Variants in CDH13 observed in about 807,000 individuals in gnomAD.
CDH13 encodes the protein cadherin 13, also known as cadherin-13.
CDH13 carries 24 observed loss-of-function variants against 63.8 expected under a neutral mutation model. That is an observed-to-expected ratio of 0.38 (90% CI 0.27 to 0.53). The LOEUF is 0.53. Among genes scored for constraint, CDH13 ranks in the 20% least tolerant of loss-of-function variants. The pLI is 0.85. For synonymous variants in CDH13, 503 were observed against 355.3 expected (o/e 1.42, Z -4.67); for missense variants, 1,049 against 903.1 (o/e 1.16, Z -2.07).
chr16:83,647,407 T>C (rs1911933715), intron 8 of CDH13, among the ~76,000 whole-genome samples: 1 of 152,142 alleles, frequency 6.6e-6, no homozygotes, highest in Non-Finnish European at 1.5e-5. Flanking sequence ...GAGGCTTACC[T>C]TTCTGTTTTG....
intron 6 of CDH13, among the ~76,000 whole-genome samples, chr16:83,391,831 T>A (rs62042631): frequency 2.6e-5 from 4 of 152,284 alleles, no homozygotes; most frequent in African/African-American, 9.6e-5. Context: ...GGGTCTGCAT[T>A]GTGGTGATGT....
intron 7 of CDH13, among the ~76,000 whole-genome samples, chr16:83,541,692 A>G (rs1299364057): frequency 6.6e-6 from 1 of 152,204 alleles, no homozygotes. Context: ...CAAGACATTG[A>G]GCAAAGTGGA....
At chr16:83,121,456 C>T (rs1362139743) in intron 3 of CDH13, among the ~76,000 whole-genome samples, 3 of 152,200 alleles carry the variant, frequency 2.0e-5, no homozygotes. Context: ...TGAGGGGGCT[C>T]ATGCCAAGTG....
At position 83,472,660 on chromosome 16, in the gene CDH13, T is replaced by G. The variant is rs189124677; in HGVS notation, c.782-13817T>G. Among the ~76,000 whole-genome samples the G allele has an allele frequency of 3.3e-4, 50 of 152,274 alleles. 1 individual carries two copies. Among genetic ancestry groups the G allele is most frequent in the African/African-American group, 1.2e-3 (49 of 41,550 alleles). ...CCAGGTTGTTTCTAAGAGAAGAACA[T>G]TGCAATCTGGAAAAGCAGTATTATT... is the stretch of plus-strand genomic sequence containing the variant. On this transcript the variant is annotated intron_variant, in intron 6 of 13. Transcript: ENST00000567109.
intron 1 of CDH13, among the ~76,000 whole-genome samples, chr16:82,670,744 T>C (rs1397873737): frequency 6.6e-6 from 1 of 152,244 alleles, no homozygotes; most frequent in African/African-American, 2.4e-5. Flanking sequence ...TCGTCTCTTC[T>C]AGTAGTCATT....
At chr16:83,506,503 C>T (rs911244384) in intron 7 of CDH13, among the ~76,000 whole-genome samples, 14 of 152,196 alleles carry the variant, frequency 9.2e-5, no homozygotes, top group African/African-American at 2.9e-4. Flanking sequence ...AACTCACCCT[C>T]GTTCCAATGG....
At position 83,445,241 on chromosome 16, in the gene CDH13, T is replaced by TTTTATAATTTATAAAAGGTTTTATAAA. The variant is rs1567677345; in HGVS notation, c.782-41234_782-41233insTATAATTTATAAAAGGTTTTATAAATT. On this transcript the variant is annotated intron_variant, in intron 6 of 13. Transcript: ENST00000567109. ...AAACTGAGGCTGCGAGAGTTTATAATTTATAAAAGCTTTTATAATTTATAA... is the reference window on the plus strand; with the variant it reads ...AAACTGAGGCTGCGAGAGTTTATAATTTTATAATTTATAAAAGGTTTTATAAATTATAAAAGCTTTTATAATTTATAA... Among the ~76,000 whole-genome samples the TTTTATAATTTATAAAAGGTTTTATAAA allele has an allele frequency of 4.1e-3, 234 of 56,530 alleles. 19 individuals are homozygous for TTTTATAATTTATAAAAGGTTTTATAAA. Among genetic ancestry groups the TTTTATAATTTATAAAAGGTTTTATAAA allele is most frequent in the African/African-American group, 6.1e-3 (110 of 17,902 alleles). The allele number at this position is 56,530 out of a possible 152,430, so 37.1% of individuals were successfully genotyped here.
chr16:83,080,750 T>C (rs893825744), intron 3 of CDH13, among the ~76,000 whole-genome samples: 1 of 151,986 alleles, frequency 6.6e-6, no homozygotes, highest in Non-Finnish European at 1.5e-5. Context: ...GACTTTGTTC[T>C]AACCCACAAG....
At chr16:82,806,447 C>G (rs1223130165) in intron 1 of CDH13, among the ~76,000 whole-genome samples, 1 of 152,072 alleles carries the variant, frequency 6.6e-6, no homozygotes, top group East Asian at 1.9e-4. Flanking sequence ...CAAAACAAAA[C>G]TTGGAATTTT....
chr16:82,762,594 G>T lies in CDH13; in HGVS notation c.46-95768G>T, dbSNP rs144205872. Among the ~76,000 whole-genome samples, 731 of 152,248 alleles carry T rather than the reference G, an allele frequency of 4.8e-3. 12 individuals are homozygous for T. Among genetic ancestry groups the T allele is most frequent in the Non-Finnish European group, 3.7e-3 (254 of 68,020 alleles). ...TTGATCTGCACTTCTCCCCATCTTG[G>T]TGTTCTTGGTGATGGTCATGTTCCT... On this transcript the variant is annotated intron_variant, in intron 1 of 13. Transcript: ENST00000567109.
intron 7 of CDH13, among the ~76,000 whole-genome samples, chr16:83,558,005 T>G (rs1314566875): frequency 6.6e-6 from 1 of 152,082 alleles, no homozygotes; most frequent in Admixed American, 6.6e-5. Context: ...TGGGGGGCAT[T>G]GAGCACTGGG....
intron 10 of CDH13, among the ~76,000 whole-genome samples, chr16:83,739,007 A>C (rs1414634554): frequency 6.6e-6 from 1 of 152,186 alleles, no homozygotes; most frequent in African/African-American, 2.4e-5. Flanking sequence ...ATCATGGACT[A>C]TGCAAAAAAG....
At chr16:83,607,324 G>A (rs565779356) in intron 8 of CDH13, among the ~76,000 whole-genome samples, 1 of 152,158 alleles carries the variant, frequency 6.6e-6, no homozygotes, top group Non-Finnish European at 1.5e-5. Flanking sequence ...GGAGGCTTAG[G>A]CAGGAGAATT....
intron 5 of CDH13, among the ~76,000 whole-genome samples, chr16:83,285,811 T>G (rs1372302745): frequency 6.6e-6 from 1 of 152,168 alleles, no homozygotes; most frequent in Non-Finnish European, 1.5e-5. Context: ...GTTGGCAGTT[T>G]TATTAATCAT....
intron 4 of CDH13, among the ~76,000 whole-genome samples, chr16:83,183,197 G>T (rs1024993258): frequency 1.3e-5 from 2 of 152,130 alleles, no homozygotes; most frequent in African/African-American, 4.8e-5. Context: ...ATTTTTAGTC[G>T]TTTGAGTGGG....
At chr16:83,721,191 A>G (rs1250709150) in intron 10 of CDH13, 4 of 152,262 alleles carry the variant, frequency 2.6e-5, no homozygotes, top group African/African-American at 9.6e-5. Flanking sequence ...CACCACCAGT[A>G]GCCATCCAGA....
chr16:82,752,145 G>C lies in CDH13; in HGVS notation c.46-106217G>C, dbSNP rs74030834. ...ACCATAAGCTAACAAGGCAGGCCTGGGACAATCAATACATGAGCCTCCTTT... is the reference window on the plus strand; with the variant it reads ...ACCATAAGCTAACAAGGCAGGCCTGCGACAATCAATACATGAGCCTCCTTT... On this transcript the variant is annotated intron_variant, in intron 1 of 13. Coordinates refer to ENST00000567109, the MANE Select transcript of CDH13 (RefSeq NM_001257.5). Among the ~76,000 whole-genome samples the C allele has an allele frequency of 4.3e-3, 657 of 152,232 alleles. 4 individuals are homozygous for C. Among genetic ancestry groups the C allele is most frequent in the African/African-American group, 0.015 (636 of 41,534 alleles).
At chr16:82,934,825 A>G (rs996170700) in intron 2 of CDH13, among the ~76,000 whole-genome samples, 1 of 152,204 alleles carries the variant, frequency 6.6e-6, no homozygotes, top group African/African-American at 2.4e-5. Context: ...TCTGTCTGAG[A>G]TCACCTCAGC....
intron 1 of CDH13, among the ~76,000 whole-genome samples, chr16:82,770,510 C>T (rs935885210): frequency 1.3e-5 from 2 of 152,278 alleles, no homozygotes; most frequent in African/African-American, 4.8e-5. Context: ...CATATATTCA[C>T]TATCCTGCTT....
Sources: allele counts gnomAD v4.1 joint callset (sites outside exome capture counted in the v4.1 genomes callset), GRCh38; gene constraint gnomAD v4.1.1; transcripts MANE v1.5; gene names NCBI Gene and HGNC (gene_info 2026-07-23, HGNC 2026-07-21).